GNPTAB: variants seen among roughly 807,000 people sequenced by gnomAD.
GNPTAB encodes the protein N-acetylglucosamine-1-phosphate transferase subunits alpha and beta.
In GNPTAB, 92 loss-of-function variants were observed where a neutral mutation model predicts 136.6. That is an observed-to-expected ratio of 0.67 (90% CI 0.57 to 0.80). GNPTAB has a LOEUF of 0.80. Ranked by LOEUF, GNPTAB falls within the 30% of genes least tolerant of loss-of-function variation. The probability of loss-of-function intolerance (pLI) is 0.00; values close to 1 mark genes in which losing one functional copy is unlikely to be tolerated. For missense variants in GNPTAB, 1,343 were observed against 1,501.8 expected (o/e 0.89, Z 1.75); for synonymous variants, 512 against 535.1 (o/e 0.96, Z 0.60).
chr12:101,815,201 GTGACTACAGGGGCATGCCACTATGC>G (rs1870454615), intron 1 of GNPTAB, among the ~76,000 whole-genome samples: 1 of 152,154 alleles, frequency 6.6e-6, no homozygotes, highest in Non-Finnish European at 1.5e-5. Context: ...CCAAGTAGTT[GTGACTACAGGGGCATGCCACTATGC>G]TGGCTAATTT....
chr12:101,785,707 T>G, intron 5 of GNPTAB: 1 of 336,406 alleles, frequency 3.0e-6, no homozygotes. Context: ...GTAGAGGAGT[T>G]ATATAGTAGA....
At chr12:101,799,821 G>A (rs915176252) in intron 1 of GNPTAB, among the ~76,000 whole-genome samples, 4 of 144,980 alleles carry the variant, frequency 2.8e-5, no homozygotes, top group Non-Finnish European at 6.0e-5. Context: ...TGGTCTACCT[G>A]CCGCAAAACA....
intron 1 of GNPTAB, among the ~76,000 whole-genome samples, chr12:101,798,537 A>G (rs989660105): frequency 6.6e-6 from 1 of 152,242 alleles, no homozygotes; most frequent in Non-Finnish European, 1.5e-5. Context: ...CAAATCTATT[A>G]TATTATAAAA....
chr12:101,749,805 G>A (rs570571375), intron 19 of GNPTAB, among the ~76,000 whole-genome samples: 32 of 152,368 alleles, frequency 2.1e-4, no homozygotes, highest in African/African-American at 7.5e-4. Flanking sequence ...ACAGGACTGA[G>A]TGGAGTGAAT....
chr12:101,760,142 T>A lies in GNPTAB; in HGVS notation c.3137A>T (p.Asp1046Val). 1 of 1,565,568 alleles carries A rather than the reference T, an allele frequency of 6.4e-7. No individual in the cohort carries two copies. The highest frequency in any genetic ancestry group is 1.1e-5 in the South Asian group (1 of 90,034). ...RIHELPLSLQ[D>V]LTGLEHMLIN... Reference sequence around the variant, plus strand: ...TAGCATGTGTTCCAGACCTGTCAAATCCTAACAAAGAAAAAGATGATAAAT... The same window carrying A: ...TAGCATGTGTTCCAGACCTGTCAAAACCTAACAAAGAAAAAGATGATAAAT... Residue 1046 changes from aspartate to valine, a missense_variant and splice_region_variant, in exon 16 of 21, where the codon GAT becomes GTT. By Grantham distance (152) the Asp-to-Val change is radical. Coordinates refer to ENST00000299314, the MANE Select transcript of GNPTAB (RefSeq NM_024312.5).
At chr12:101,803,250 G>A (rs1270729889) in intron 1 of GNPTAB, among the ~76,000 whole-genome samples, 1 of 152,148 alleles carries the variant, frequency 6.6e-6, no homozygotes, top group Non-Finnish European at 1.5e-5. Context: ...CTTAGTTTCT[G>A]AAAACAAAAT....
chr12:101,747,012 G>C lies in GNPTAB; in HGVS notation c.*152C>G. 1 of 665,430 alleles carries C rather than the reference G, an allele frequency of 1.5e-6. No individual in the cohort carries two copies. Among genetic ancestry groups the C allele is most frequent in the Non-Finnish European group, 2.8e-6 (1 of 361,748 alleles). The allele number at this position is 665,430 out of a possible 1,614,324, so 41.2% of individuals were successfully genotyped here. ...TTGGTTAAATAATTCCTGGTCAGTG[G>C]GCTATATTCATGCCACAAAACAGCA... On this transcript the variant is annotated 3_prime_UTR_variant, in exon 21 of 21. Transcript: ENST00000299314.
intron 7 of GNPTAB, among the ~76,000 whole-genome samples, chr12:101,775,947 A>G (rs1953257216): frequency 6.6e-6 from 1 of 152,178 alleles, no homozygotes; most frequent in Non-Finnish European, 1.5e-5. Context: ...CCACCTGTTC[A>G]GTCTTCAAGA....
chr12:101,814,422 C>T (rs1023012175), intron 1 of GNPTAB, among the ~76,000 whole-genome samples: 16 of 152,138 alleles, frequency 1.1e-4, no homozygotes, highest in African/African-American at 3.1e-4. Context: ...TTAGGCTGGA[C>T]GCAGTGGCTC....
At chr12:101,782,730 C>A (rs1027044275) in intron 5 of GNPTAB, among the ~76,000 whole-genome samples, 2 of 152,236 alleles carry the variant, frequency 1.3e-5, no homozygotes, top group African/African-American at 4.8e-5. Context: ...AGGGCCTACA[C>A]TATTTGGTCC....
At chr12:101,788,662 G>A (rs1288312502) in intron 3 of GNPTAB, 73 bp from the exon 4 acceptor site, 1 of 815,186 alleles carries the variant, frequency 1.2e-6, no homozygotes, top group African/African-American at 1.7e-5. Context: ...AAGACGGTTT[G>A]CTTAGAGCAT....
chr12:101,798,606 G>C (rs943368286), intron 1 of GNPTAB, among the ~76,000 whole-genome samples: 5 of 152,290 alleles, frequency 3.3e-5, no homozygotes, highest in Admixed American at 2.6e-4. Context: ...GTTTGCAATT[G>C]AGAGAGGTAA....
At chr12:101,809,700 C>T (rs1870117787) in intron 1 of GNPTAB, among the ~76,000 whole-genome samples, 2 of 152,134 alleles carry the variant, frequency 1.3e-5, no homozygotes, top group African/African-American at 2.4e-5. Flanking sequence ...CTGGAAAAGG[C>T]CCAACTACAG....
chr12:101,750,279 C>G (rs1400336422), intron 19 of GNPTAB, among the ~76,000 whole-genome samples: 1 of 152,208 alleles, frequency 6.6e-6, no homozygotes, highest in Non-Finnish European at 1.5e-5. Flanking sequence ...GTTACAGATT[C>G]TCATTTTCCA....
intron 1 of GNPTAB, among the ~76,000 whole-genome samples, chr12:101,823,448 A>G (rs1870917337): frequency 1.3e-5 from 2 of 152,220 alleles, no homozygotes; most frequent in East Asian, 3.9e-4. Context: ...CGTCTCTACT[A>G]AAAATACAAA....
chr12:101,768,301 A>G, intron 10 of GNPTAB, 141 bp from the exon 11 acceptor site: 1 of 871,518 alleles, frequency 1.1e-6, no homozygotes, highest in East Asian at 2.6e-5. Flanking sequence ...CACACTCACA[A>G]GTGCTTTAAG....
In GNPTAB at chr12:101,763,883, A is replaced by G. The variant is rs116631425; in HGVS notation, c.2715+319T>C. 2.6e-3 allele frequency among the ~76,000 whole-genome samples: 396 copies of G among 152,318 alleles called. 5 individuals carry two copies. Among genetic ancestry groups the G allele is most frequent in the African/African-American group, 8.1e-3 (336 of 41,568 alleles). On this transcript the variant is annotated intron_variant, in intron 13 of 20. Coordinates refer to ENST00000299314, the MANE Select transcript of GNPTAB (RefSeq NM_024312.5). ...TCATCAGTAAAGCTGGAAAAATACC[A>G]TATCTGAAATGTCAAGACAAGACAA...
chr12:101,820,102 G>A (rs74908320), intron 1 of GNPTAB, among the ~76,000 whole-genome samples: 4 of 152,150 alleles, frequency 2.6e-5, no homozygotes, highest in Non-Finnish European at 5.9e-5. Flanking sequence ...TTAGCTGAAC[G>A]CCTAGGACCA....
At position 101,785,688 on chromosome 12, in the gene GNPTAB, C is replaced by T. The variant is rs118048885; in HGVS notation, c.571+324G>A. On this transcript the variant is annotated intron_variant, in intron 5 of 20. Coordinates refer to ENST00000299314, the MANE Select transcript of GNPTAB (RefSeq NM_024312.5). ...GGTATGTTCTGCCCAAACTGCAGAA[C>T]GCTACCTAGTAGAGGAGTTATATAG... 8.0e-3 allele frequency: 2,162 copies of T among 269,962 alleles called. 16 individuals carry two copies. The highest frequency in any genetic ancestry group is 0.011 in the Non-Finnish European group (1,605 of 141,524). The allele number at this position is 269,962 out of a possible 1,614,324, so 16.7% of individuals were successfully genotyped here. A position where few individuals can be genotyped will look rare whatever the true frequency, so the allele number is the denominator to read the frequency against.
Sources: gnomAD v4.1 joint callset for allele counts (sites outside exome capture counted in the v4.1 genomes callset) on GRCh38, gnomAD v4.1.1 for gene constraint, MANE v1.5 for transcripts, NCBI Gene and HGNC (gene_info 2026-07-23, HGNC 2026-07-21) for gene names.